The following UST variants were observed in gnomAD, a reference collection of about 807,000 sequenced individuals.
UST encodes the protein uronyl 2-sulfotransferase.
In UST, 21 loss-of-function variants were observed where a neutral mutation model predicts 45.6. That is an observed-to-expected ratio of 0.46 (90% confidence interval 0.33 to 0.66). The LOEUF is 0.66. Ranked by LOEUF, UST falls within the 30% of genes least tolerant of loss-of-function variation. The pLI, the probability that UST is intolerant of heterozygous loss-of-function variation, is 0.02. For missense variants in UST, 463 were observed against 512.4 expected (o/e 0.90, Z 0.93); for synonymous variants, 215 against 200.6 (o/e 1.07, Z -0.61).
intron 1 of UST, among the ~76,000 whole-genome samples, chr6:148,798,904 C>T (rs913309544): frequency 3.0e-4 from 46 of 151,584 alleles, no homozygotes; most frequent in African/African-American, 1.0e-3. Context: ...GAGTCTCGCT[C>T]TGTCACCCAG....
Position 149,076,768 on chromosome 6 carries a change from G to A in UST, c.*2652G>A, listed in dbSNP as rs1366870088. On this transcript the variant is annotated 3_prime_UTR_variant, in exon 8 of 8. Coordinates refer to ENST00000367463, the MANE Select transcript of UST (RefSeq NM_005715.3). ...CAAGGTTTTAGTTACTCAGGAAGGA[G>A]TTAATTAAAATGATTTTATTTTGGT... is the stretch of plus-strand genomic sequence containing the variant. The A allele has an allele frequency of 2.6e-5, 4 of 152,476 alleles. No homozygotes were observed. Among genetic ancestry groups the A allele is most frequent in the Non-Finnish European group, 4.4e-5 (3 of 68,022 alleles). The allele number at this position is 152,476 out of a possible 1,614,324, so 9.4% of individuals were successfully genotyped here.
At chr6:148,844,948 C>G (rs1427545588) in intron 1 of UST, among the ~76,000 whole-genome samples, 2 of 152,114 alleles carry the variant, frequency 1.3e-5, no homozygotes, top group Non-Finnish European at 2.9e-5. Flanking sequence ...CTGCAAAGAA[C>G]ATGGTTTCAT....
At chr6:149,067,827 C>T (rs186972160) in intron 7 of UST, among the ~76,000 whole-genome samples, 3 of 152,154 alleles carry the variant, frequency 2.0e-5, no homozygotes, top group Non-Finnish European at 4.4e-5. Flanking sequence ...CACCAGAAGT[C>T]TGTCGTTTTC....
At chr6:148,951,566 CCT>C (rs1030929833) in intron 3 of UST, among the ~76,000 whole-genome samples, 4 of 152,128 alleles carry the variant, frequency 2.6e-5, no homozygotes, top group African/African-American at 4.8e-5. Context: ...ATTGTCACCC[CCT>C]GATGCCTCTC....
intron 1 of UST, among the ~76,000 whole-genome samples, chr6:148,751,471 C>T (rs1775990435): frequency 6.6e-6 from 1 of 152,152 alleles, no homozygotes; most frequent in East Asian, 1.9e-4. Flanking sequence ...TTCTCTTCCC[C>T]ATAGGAGACA....
rs146583978 is a variant in UST, at chr6:149,007,719, C to T, written c.682-11420C>T. Among the ~76,000 whole-genome samples, 225 of 152,048 alleles carry T rather than the reference C, an allele frequency of 1.5e-3. 1 individual carries two copies. Among genetic ancestry groups the T allele is most frequent in the African/African-American group, 5.0e-3 (208 of 41,464 alleles). On this transcript the variant is annotated intron_variant, in intron 5 of 7. Transcript: ENST00000367463. ...GATTACAGGCGTGAGCCACCGCGCC[C>T]GACCTCCAGGCAAACATTTAAGACA...
intron 1 of UST, among the ~76,000 whole-genome samples, chr6:148,817,203 GA>G (rs1736796081): frequency 6.6e-6 from 1 of 152,228 alleles, no homozygotes; most frequent in Admixed American, 6.5e-5. Context: ...ACTTTCACTA[GA>G]AAGCAAAGCC....
chr6:149,011,240 T>C (rs1201668866), intron 5 of UST, among the ~76,000 whole-genome samples: 1 of 152,206 alleles, frequency 6.6e-6, no homozygotes, highest in African/African-American at 2.4e-5. Flanking sequence ...AGTTCTCATT[T>C]ATTTGTGGGA....
At chr6:148,933,663 G>A (rs1779964946) in intron 2 of UST, among the ~76,000 whole-genome samples, 1 of 152,332 alleles carries the variant, frequency 6.6e-6, no homozygotes, top group Non-Finnish European at 1.5e-5. Context: ...GAGACTGGGA[G>A]CAGAAGAGAT....
At chr6:148,819,047 A>G (rs570339231) in intron 1 of UST, among the ~76,000 whole-genome samples, 1 of 152,358 alleles carries the variant, frequency 6.6e-6, no homozygotes, top group South Asian at 2.1e-4. Context: ...GTTAATACTC[A>G]TTGAATTTTC....
intron 5 of UST, among the ~76,000 whole-genome samples, chr6:148,997,771 A>G (rs148473863): frequency 5.5e-4 from 84 of 152,310 alleles, no homozygotes; most frequent in African/African-American, 2.0e-3. Flanking sequence ...TTCACAGACA[A>G]TTCTTAGTCA....
chr6:149,056,044 C>G (rs544649760), intron 7 of UST, among the ~76,000 whole-genome samples: 1 of 149,196 alleles, frequency 6.7e-6, no homozygotes, highest in Admixed American at 6.7e-5. Flanking sequence ...TTTAATATGT[C>G]TATAACATTT....
chr6:148,832,260 T>C lies in UST; in HGVS notation c.248-54726T>C, dbSNP rs78058533. On this transcript the variant is annotated intron_variant, in intron 1 of 7. Coordinates refer to ENST00000367463, the MANE Select transcript of UST (RefSeq NM_005715.3). The stretch of plus-strand genomic sequence containing the variant: ...CCTGCCTCGGCCTCCCAAAAGAATA[T>C]TAATTGACTTTAAACCAAACACCGT... Among the ~76,000 whole-genome samples, 270 of 152,290 alleles carry C rather than the reference T, an allele frequency of 1.8e-3. 1 individual carries two copies. The highest frequency in any genetic ancestry group is 6.4e-3 in the African/African-American group (265 of 41,562).
chr6:149,055,822 G>A (rs1776553843), intron 7 of UST, among the ~76,000 whole-genome samples: 1 of 152,144 alleles, frequency 6.6e-6, no homozygotes, highest in South Asian at 2.1e-4. Flanking sequence ...CTGACAATCA[G>A]TCCCTTCTCT....
chr6:148,892,150 T>C (rs1171572297), intron 2 of UST, among the ~76,000 whole-genome samples: 1 of 152,238 alleles, frequency 6.6e-6, no homozygotes, highest in Middle Eastern at 3.2e-3. Flanking sequence ...AGAATTAATC[T>C]ATCATGTCAT....
intron 7 of UST, among the ~76,000 whole-genome samples, chr6:149,051,109 A>C (rs1776477536): frequency 6.6e-6 from 1 of 152,228 alleles, no homozygotes; most frequent in African/African-American, 2.4e-5. Context: ...GAGTTGAGGA[A>C]TAATGCTAAG....
At chr6:148,818,861 AG>A (rs1777403834) in intron 1 of UST, among the ~76,000 whole-genome samples, 1 of 152,146 alleles carries the variant, frequency 6.6e-6, no homozygotes, top group Non-Finnish European at 1.5e-5. Context: ...CTTGAAAGAG[AG>A]GGAGACATGA....
At chr6:149,004,253 G>A (rs1354016929) in intron 5 of UST, among the ~76,000 whole-genome samples, 1 of 152,200 alleles carries the variant, frequency 6.6e-6, no homozygotes, top group Non-Finnish European at 1.5e-5. Flanking sequence ...GAATAGAATT[G>A]TCAACAGCTG....
intron 1 of UST, among the ~76,000 whole-genome samples, chr6:148,764,304 G>T (rs561733326): frequency 2.1e-4 from 32 of 152,102 alleles, no homozygotes; most frequent in African/African-American, 7.5e-4. Flanking sequence ...GAACATTATT[G>T]GTGTATAGAA....
Sources: allele counts gnomAD v4.1 joint callset (sites outside exome capture counted in the v4.1 genomes callset), GRCh38; gene constraint gnomAD v4.1.1; transcripts MANE v1.5; gene names NCBI Gene and HGNC (gene_info 2026-07-23, HGNC 2026-07-21).